The following ASB4 variants were observed in gnomAD, a reference collection of about 807,000 sequenced individuals.
ASB4 encodes ankyrin repeat and SOCS box protein 4.
In ASB4, 35 loss-of-function variants were observed where a neutral mutation model predicts 38.6. The observed-to-expected ratio is 0.91, with a 90% CI of 0.69 to 1.20. ASB4 has a LOEUF of 1.20. Among genes scored for constraint, ASB4 ranks in the 50% most tolerant of loss-of-function variants. The pLI is 0.00. For synonymous variants in ASB4, 195 were observed against 201.3 expected, an observed-to-expected ratio of 0.97 and a Z score of 0.26; for missense variants, 557 against 527.2, an observed-to-expected ratio of 1.06 and a Z score of -0.55.
At chr7:95,493,039 G>T (rs1440073641) in intron 1 of ASB4, among the ~76,000 whole-genome samples, 6 of 152,156 alleles carry the variant, frequency 3.9e-5, no homozygotes, top group African/African-American at 1.2e-4. Flanking sequence ...GAGGCGTGGA[G>T]TTGATGCTCC....
At chr7:95,504,993 TTC>T (rs1790388195) in intron 2 of ASB4, among the ~76,000 whole-genome samples, 1 of 152,242 alleles carries the variant, frequency 6.6e-6, no homozygotes, top group Non-Finnish European at 1.5e-5. Context: ...AAGCAGTGCT[TTC>T]AAGTTGATAG....
At position 95,527,958 on chromosome 7, in the gene ASB4, C is replaced by A; in HGVS notation, c.633C>A (p.Pro211=). The A allele has an allele frequency of 6.2e-7, 1 of 1,614,110 alleles. No homozygotes were observed. Among genetic ancestry groups the A allele is most frequent in the African/African-American group, 1.3e-5 (1 of 75,014 alleles). Residue 211 remains proline (P), a synonymous_variant, in exon 3 of 5, where the codon CCC becomes CCA. Coordinates refer to ENST00000325885, the MANE Select transcript of ASB4 (RefSeq NM_016116.3). ...VDSVNAHMET[P]LAIAAYWALR... is the part of the protein sequence containing the mutation. ...GCGTGAATGCCCACATGGAGACCCC[C>A]CTGGCCATCGCCGCCTACTGGGCCC...
chr7:95,488,266 G>A (rs1023062916), intron 1 of ASB4, among the ~76,000 whole-genome samples: 1 of 152,204 alleles, frequency 6.6e-6, no homozygotes, highest in Non-Finnish European at 1.5e-5. Flanking sequence ...GTGTGAACCC[G>A]GGAGGCGGAG....
intron 2 of ASB4, among the ~76,000 whole-genome samples, chr7:95,506,838 A>G (rs959199498): frequency 2.0e-4 from 30 of 151,706 alleles, no homozygotes; most frequent in African/African-American, 6.8e-4. Flanking sequence ...TTCCTGGGTG[A>G]GTTCTTTTCT....
intron 2 of ASB4, among the ~76,000 whole-genome samples, chr7:95,503,979 C>T (rs1790374562): frequency 6.6e-6 from 1 of 152,194 alleles, no homozygotes. Context: ...ATGCCCCCAT[C>T]TCCTGGCCTT....
At chr7:95,489,522 G>T (rs555933319) in intron 1 of ASB4, among the ~76,000 whole-genome samples, 2 of 152,270 alleles carry the variant, frequency 1.3e-5, no homozygotes, top group South Asian at 4.2e-4. Context: ...ATCTGCAGAT[G>T]AAATCATGTT....
chr7:95,482,910 C>T (rs538629905), upstream of ASB4, among the ~76,000 whole-genome samples: 4 of 152,084 alleles, frequency 2.6e-5, no homozygotes, highest in Non-Finnish European at 5.9e-5. Flanking sequence ...TGAGGAAGTT[C>T]GAGGACACTG....
chr7:95,527,900 C>A lies in ASB4; in HGVS notation c.575C>A (p.Ala192Asp), dbSNP rs368532581. Residue 192 changes from alanine (A) to aspartate (D), a missense_variant, in exon 3 of 5, where the codon GCC becomes GAC. By Grantham distance (126) the Ala-to-Asp change is moderately radical. Transcript: ENST00000325885. ...CACTTCGGCCTTTCGGAGCTGGTGG[C>A]CTTCTACGTGGAACACGGGGCCATA... ...AAHFGLSELVAFYVEHGAIVD... is the reference protein window; with the variant it reads ...AAHFGLSELVDFYVEHGAIVD... 4 of 1,613,920 alleles carry A rather than the reference C, an allele frequency of 2.5e-6. No homozygotes were observed. The African/African-American group carries it at 4.0e-5, about 16-fold the overall frequency.
At chr7:95,496,564 C>G (rs1373033768) in intron 2 of ASB4, among the ~76,000 whole-genome samples, 1 of 152,052 alleles carries the variant, frequency 6.6e-6, no homozygotes. Context: ...ATGAAAAGGA[C>G]GGCCAGGTGC....
intron 3 of ASB4, among the ~76,000 whole-genome samples, chr7:95,534,257 C>A (rs1045059393): frequency 6.6e-6 from 1 of 151,930 alleles, no homozygotes; most frequent in Non-Finnish European, 1.5e-5. Flanking sequence ...GCAGGAGAAT[C>A]GCTTGAACCC....
At chr7:95,524,624 C>T (rs945736225) in intron 2 of ASB4, among the ~76,000 whole-genome samples, 1 of 152,172 alleles carries the variant, frequency 6.6e-6, no homozygotes, top group Non-Finnish European at 1.5e-5. Context: ...CCTCCAATAC[C>T]TCAGCACGTG....
chr7:95,474,617 G>A (rs964332920), upstream of ASB4, among the ~76,000 whole-genome samples: 1 of 152,094 alleles, frequency 6.6e-6, no homozygotes, highest in Non-Finnish European at 1.5e-5. Context: ...AACCTCCTGG[G>A]CTCAAGCAAT....
chr7:95,491,626 C>G (rs1416035559), intron 1 of ASB4, among the ~76,000 whole-genome samples: 1 of 152,210 alleles, frequency 6.6e-6, no homozygotes, highest in Non-Finnish European at 1.5e-5. Context: ...GTGTTTCTAG[C>G]ATGCTGTGGT....
Position 95,537,690 on chromosome 7 carries a change from T to C in ASB4, c.1212T>C (p.Ile404=). Residue 404 remains isoleucine, a synonymous_variant, in exon 5 of 5, where the codon ATT becomes ATC. Transcript: ENST00000325885. Reference sequence around the variant, plus strand: ...TACACAACAGATGCCATAGAGCAATTCCTTTGCTTTCCCTCCCATTGTCAT... The same window carrying C: ...TACACAACAGATGCCATAGAGCAATCCCTTTGCTTTCCCTCCCATTGTCAT... ...RTLHNRCHRA[I]PLLSLPLSLK... is the part of the protein sequence containing the mutation. 1.9e-6 allele frequency: 3 copies of C among 1,613,906 alleles called. No homozygotes were observed. The highest frequency in any genetic ancestry group is 2.5e-6 in the Non-Finnish European group (3 of 1,179,812).
At chr7:95,524,787 C>T (rs1219562682) in intron 2 of ASB4, among the ~76,000 whole-genome samples, 1 of 152,078 alleles carries the variant, frequency 6.6e-6, no homozygotes, top group African/African-American at 2.4e-5. Flanking sequence ...ATAATCGGGT[C>T]CCCAGAGACC....
chr7:95,477,434 A>T (rs1789987233), upstream of ASB4, among the ~76,000 whole-genome samples: 1 of 152,232 alleles, frequency 6.6e-6, no homozygotes, highest in African/African-American at 2.4e-5. Context: ...CATTTTATAA[A>T]TTTGTCAAGT....
chr7:95,549,496 A>G, the ASB4 span, among the ~76,000 whole-genome samples: 2 of 151,182 alleles, frequency 1.3e-5, no homozygotes, highest in African/African-American at 4.9e-5. Context: ...ACAGGGTTTC[A>G]CCGTGTTCGC....
chr7:95,483,463 G>T (rs971315855), upstream of ASB4, among the ~76,000 whole-genome samples: 5 of 152,300 alleles, frequency 3.3e-5, no homozygotes, highest in African/African-American at 1.2e-4. Flanking sequence ...TACCTAAAGA[G>T]ACTGCTAAAT....
chr7:95,501,632 T>G (rs1790338888), intron 2 of ASB4, among the ~76,000 whole-genome samples: 1 of 152,224 alleles, frequency 6.6e-6, no homozygotes, highest in African/African-American at 2.4e-5. Flanking sequence ...ACTGAAACTT[T>G]GTTAACTTTT....
Sources: gnomAD v4.1 joint callset for allele counts (sites outside exome capture counted in the v4.1 genomes callset) on GRCh38, gnomAD v4.1.1 for gene constraint, MANE v1.5 for transcripts, NCBI Gene and HGNC (gene_info 2026-07-23, HGNC 2026-07-21) for gene names.